The following NRG3 variants were observed in gnomAD, a reference collection of about 807,000 sequenced individuals.
The protein encoded by NRG3 is neuregulin 3, also known as pro-neuregulin-3, membrane-bound isoform.
In NRG3, 31 loss-of-function variants were observed where a neutral mutation model predicts 66.9. That is an observed-to-expected ratio of 0.46 (90% CI 0.35 to 0.63). NRG3 has a LOEUF of 0.63. Among genes scored for constraint, NRG3 ranks in the 20% least tolerant of loss-of-function variants. The probability of loss-of-function intolerance (pLI) is 0.00; values close to 1 mark genes in which losing one functional copy is unlikely to be tolerated. For synonymous variants in NRG3, 393 were observed against 359.4 expected (o/e 1.09, Z -1.06); for missense variants, 910 against 878.9 (o/e 1.04, Z -0.45).
At chr10:82,084,300 T>C (rs1227101701) in intron 1 of NRG3, among the ~76,000 whole-genome samples, 3 of 152,166 alleles carry the variant, frequency 2.0e-5, no homozygotes, top group Non-Finnish European at 4.4e-5. Flanking sequence ...CATACAGTTT[T>C]CATTTTTGCA....
At chr10:82,235,950 G>A (rs148902802) in intron 1 of NRG3, among the ~76,000 whole-genome samples, 2 of 151,780 alleles carry the variant, frequency 1.3e-5, no homozygotes, top group Admixed American at 6.6e-5. Context: ...ACATTATTTA[G>A]CATGGCCCAT....
At chr10:81,952,085 C>G (rs1038911683) in intron 1 of NRG3, among the ~76,000 whole-genome samples, 12 of 145,910 alleles carry the variant, frequency 8.2e-5, no homozygotes, top group African/African-American at 2.2e-4. Context: ...ACACCGGGGC[C>G]TGTTGTGGGG....
intron 5 of NRG3, among the ~76,000 whole-genome samples, chr10:82,956,806 T>C (rs1850093846): frequency 6.6e-6 from 1 of 151,896 alleles, no homozygotes; most frequent in Non-Finnish European, 1.5e-5. Flanking sequence ...TGTAACATGC[T>C]CCTTAAAATG....
intron 1 of NRG3, among the ~76,000 whole-genome samples, chr10:82,201,272 C>T (rs975732424): frequency 6.6e-6 from 1 of 151,200 alleles, no homozygotes; most frequent in African/African-American, 2.4e-5. Context: ...TCTAGAAAGG[C>T]CTGGACTCCA....
intron 2 of NRG3, among the ~76,000 whole-genome samples, chr10:82,643,013 A>G (rs551497114): frequency 6.6e-6 from 1 of 152,236 alleles, no homozygotes; most frequent in South Asian, 2.1e-4. Flanking sequence ...AGGTAGCCAC[A>G]AGATAACCAT....
At chr10:82,353,791 C>T (rs1428280990) in intron 1 of NRG3, among the ~76,000 whole-genome samples, 1 of 152,050 alleles carries the variant, frequency 6.6e-6, no homozygotes, top group Non-Finnish European at 1.5e-5. Context: ...TCATCTTAAT[C>T]CTAACACTCC....
chr10:82,432,583 C>A (rs934678175), intron 2 of NRG3, among the ~76,000 whole-genome samples: 1 of 151,448 alleles, frequency 6.6e-6, no homozygotes, highest in Non-Finnish European at 1.5e-5. Flanking sequence ...TTTGCTGCAC[C>A]TACTGGCCCG....
intron 3 of NRG3, among the ~76,000 whole-genome samples, chr10:82,835,741 A>G (rs1339752767): frequency 6.6e-6 from 1 of 152,170 alleles, no homozygotes; most frequent in African/African-American, 2.4e-5. Context: ...GGAGTGCAGG[A>G]CAGACACTCC....
At chr10:82,397,152 T>C (rs944502365) in intron 2 of NRG3, among the ~76,000 whole-genome samples, 4 of 152,140 alleles carry the variant, frequency 2.6e-5, no homozygotes, top group African/African-American at 9.7e-5. Flanking sequence ...AAGGAAATGG[T>C]CTCCCTTTGG....
At chr10:82,268,452 C>A (rs936764770) in intron 1 of NRG3, among the ~76,000 whole-genome samples, 1 of 152,130 alleles carries the variant, frequency 6.6e-6, no homozygotes, top group African/African-American at 2.4e-5. Context: ...TCTCAAAACC[C>A]TGTCTTCATC....
At chr10:82,510,411 T>C (rs1845066279) in intron 2 of NRG3, among the ~76,000 whole-genome samples, 1 of 152,026 alleles carries the variant, frequency 6.6e-6, no homozygotes, top group Non-Finnish European at 1.5e-5. Context: ...ACATGGACCA[T>C]CCCTGTGCAG....
chr10:82,132,467 T>TATCATATATATATCA (rs1564593172), intron 1 of NRG3, among the ~76,000 whole-genome samples: 18 of 131,570 alleles, frequency 1.4e-4, no homozygotes, highest in Non-Finnish European at 2.7e-4. Context: ...ATGATATATA[T>TATCATATATATATCA]GATATATATA....
At chr10:82,156,313 T>C (rs1041411082) in intron 1 of NRG3, among the ~76,000 whole-genome samples, 5 of 151,584 alleles carry the variant, frequency 3.3e-5, no homozygotes, top group African/African-American at 1.2e-4. Flanking sequence ...GAGATATACC[T>C]GAATTTCAGT....
chr10:82,492,931 A>G (rs916502588), intron 2 of NRG3, among the ~76,000 whole-genome samples: 20 of 152,116 alleles, frequency 1.3e-4, no homozygotes, highest in African/African-American at 3.1e-4. Flanking sequence ...GTAAAACTAA[A>G]TTGAGCTTTG....
At chr10:82,359,765 A>G (rs1471429234) in intron 2 of NRG3, among the ~76,000 whole-genome samples, 1 of 152,136 alleles carries the variant, frequency 6.6e-6, no homozygotes, top group Non-Finnish European at 1.5e-5. Context: ...TATTAAATTA[A>G]TTATTCTGAA....
chr10:82,396,763 A>G (rs918458299), intron 2 of NRG3, among the ~76,000 whole-genome samples: 6 of 152,132 alleles, frequency 3.9e-5, no homozygotes, highest in Admixed American at 6.5e-5. Context: ...AACTGTGCTC[A>G]GTGAGGACTG....
intron 2 of NRG3, among the ~76,000 whole-genome samples, chr10:82,667,285 G>C (rs1487512705): frequency 1.3e-5 from 2 of 152,130 alleles, no homozygotes; most frequent in African/African-American, 4.8e-5. Flanking sequence ...ACCACCCTGA[G>C]GCAGTACCAT....
chr10:82,661,441 AATAC>A (rs2052352124), intron 2 of NRG3, among the ~76,000 whole-genome samples: 1 of 151,456 alleles, frequency 6.6e-6, no homozygotes, highest in East Asian at 1.9e-4. Flanking sequence ...TGTGATATTA[AATAC>A]ATACACAAAT....
intron 1 of NRG3, among the ~76,000 whole-genome samples, chr10:82,200,172 C>A (rs568855627): frequency 1.3e-5 from 2 of 152,106 alleles, no homozygotes; most frequent in Non-Finnish European, 2.9e-5. Context: ...TGACAATGTG[C>A]ATTCTTAGCA....
Sources: allele counts gnomAD v4.1 joint callset (sites outside exome capture counted in the v4.1 genomes callset), GRCh38; gene constraint gnomAD v4.1.1; transcripts MANE v1.5; gene names NCBI Gene and HGNC (gene_info 2026-07-23, HGNC 2026-07-21).